NTRK2: variants seen among roughly 807,000 people sequenced by gnomAD.
NTRK2 encodes BDNF/NT-3 growth factors receptor.
NTRK2 carries 13 observed loss-of-function variants against 94.5 expected under a neutral mutation model. That is an observed-to-expected ratio of 0.14 (90% CI 0.09 to 0.22). The LOEUF (loss-of-function observed/expected upper bound fraction) is 0.22, where lower values mean the gene tolerates loss of function less well. Among genes scored for constraint, NTRK2 ranks in the 10% least tolerant of loss-of-function variants. The pLI is 1.00. For synonymous variants in NTRK2, 372 were observed against 407.4 expected (o/e 0.91, Z 1.05); for missense variants, 639 against 1,071.2 (o/e 0.60, Z 5.63).
intron 17 of NTRK2, among the ~76,000 whole-genome samples, chr9:84,960,125 C>T (rs1049082977): frequency 6.6e-6 from 1 of 152,178 alleles, no homozygotes; most frequent in Non-Finnish European, 1.5e-5. Context: ...ATGAATATAA[C>T]TTGGCTGAGC....
intron 12 of NTRK2, among the ~76,000 whole-genome samples, chr9:84,764,787 T>C (rs999915375): frequency 3.3e-5 from 5 of 152,182 alleles, no homozygotes; most frequent in Non-Finnish European, 5.9e-5. Context: ...CTGTTCACAA[T>C]AGCTAAGATT....
intron 12 of NTRK2, among the ~76,000 whole-genome samples, chr9:84,859,548 T>C (rs1378397847): frequency 1.3e-5 from 2 of 152,142 alleles, no homozygotes; most frequent in African/African-American, 4.8e-5. Flanking sequence ...TAGTTAATGA[T>C]CAAAAATAAT....
intron 16 of NTRK2, among the ~76,000 whole-genome samples, chr9:84,950,264 G>T (rs775205360): frequency 6.6e-6 from 1 of 152,226 alleles, no homozygotes; most frequent in Non-Finnish European, 1.5e-5. Flanking sequence ...TTGATAAGAT[G>T]CAGGAAGTTG....
intron 15 of NTRK2, among the ~76,000 whole-genome samples, chr9:84,945,893 A>G (rs146723458): frequency 7.2e-5 from 11 of 152,308 alleles, no homozygotes; most frequent in Non-Finnish European, 1.5e-4. Context: ...TGAAAATAGT[A>G]TTGATCCCGA....
At chr9:84,959,952 C>A (rs539350947) in intron 17 of NTRK2, among the ~76,000 whole-genome samples, 1 of 152,286 alleles carries the variant, frequency 6.6e-6, no homozygotes, top group South Asian at 2.1e-4. Flanking sequence ...GAGTGGAGGG[C>A]CCCAAACATC....
In NTRK2 at chr9:85,023,098, A is replaced by T. The variant is rs1479700736; in HGVS notation, c.*1661A>T. The T allele has an allele frequency of 8.6e-6, 2 of 232,962 alleles. No individual in the cohort carries two copies. The highest frequency in any genetic ancestry group is 4.4e-5 in the African/African-American group (2 of 45,340). 14.4% of individuals were successfully genotyped at this position (232,962 alleles called of 1,614,324 possible). A position where few individuals can be genotyped will look rare whatever the true frequency, so the allele number is the denominator to read the frequency against. On this transcript the variant is annotated 3_prime_UTR_variant, in exon 19 of 19. Coordinates refer to ENST00000277120, the MANE Select transcript of NTRK2 (RefSeq NM_006180.6). ...ACGGGAGGCTGTGCCCAGACCAAGC[A>T]CTGGAAGTGTGCTTCTAGGCATAGT... is the stretch of plus-strand genomic sequence containing the variant.
At chr9:85,018,526 C>T (rs932909656) in intron 17 of NTRK2, among the ~76,000 whole-genome samples, 32 of 152,144 alleles carry the variant, frequency 2.1e-4, no homozygotes, top group Non-Finnish European at 8.8e-5. Context: ...ACCCTCATAC[C>T]GCAAGTCCTC....
intron 12 of NTRK2, among the ~76,000 whole-genome samples, chr9:84,808,463 T>C (rs1327252120): frequency 6.6e-6 from 1 of 152,204 alleles, no homozygotes; most frequent in Non-Finnish European, 1.5e-5. Flanking sequence ...GTTTCTCCTG[T>C]TTTTATTGAC....
At chr9:84,835,743 A>C (rs2073835761) in intron 12 of NTRK2, among the ~76,000 whole-genome samples, 2 of 152,372 alleles carry the variant, frequency 1.3e-5, no homozygotes, top group Non-Finnish European at 2.9e-5. Context: ...ATGGAAAACT[A>C]TTCTGAAATC....
intron 12 of NTRK2, among the ~76,000 whole-genome samples, chr9:84,779,122 G>A (rs368395121): frequency 8.9e-4 from 136 of 152,190 alleles, no homozygotes; most frequent in African/African-American, 3.1e-3. Context: ...ATCTTGCCAA[G>A]GTCTCTGGGC....
chr9:84,927,339 A>G (rs1311665575), intron 14 of NTRK2, among the ~76,000 whole-genome samples: 1 of 152,200 alleles, frequency 6.6e-6, no homozygotes, highest in Non-Finnish European at 1.5e-5. Context: ...TGTCATTTAT[A>G]GTACCTAAAA....
intron 14 of NTRK2, among the ~76,000 whole-genome samples, chr9:84,893,092 T>C (rs2076643732): frequency 6.6e-6 from 1 of 152,144 alleles, no homozygotes; most frequent in Non-Finnish European, 1.5e-5. Context: ...GCTTGGTGAA[T>C]ACATGTTCCT....
intron 2 of NTRK2, among the ~76,000 whole-genome samples, chr9:84,692,467 TC>T (rs143987057): frequency 4.8e-5 from 6 of 125,960 alleles, no homozygotes; most frequent in African/African-American, 6.0e-5. Context: ...TTTCTTTTTT[TC>T]TTTTTTTTTT....
chr9:84,877,023 C>G (rs550296184), intron 14 of NTRK2: 16 of 1,062,622 alleles, frequency 1.5e-5, no homozygotes, highest in Non-Finnish European at 1.8e-5. Context: ...CCATTGATTT[C>G]CATACTCCTG....
intron 17 of NTRK2, among the ~76,000 whole-genome samples, chr9:84,985,833 A>G (rs937535769): frequency 3.3e-5 from 5 of 152,222 alleles, no homozygotes; most frequent in Admixed American, 6.5e-5. Context: ...CAGTTTAATT[A>G]AGAAGTAGGA....
chr9:84,823,267 C>T (rs2072967567), intron 12 of NTRK2, among the ~76,000 whole-genome samples: 3 of 152,132 alleles, frequency 2.0e-5, no homozygotes, highest in South Asian at 4.1e-4. Context: ...ATTTTTATTT[C>T]ATTTCATTTT....
chr9:84,829,464 G>A (rs1262779858), intron 12 of NTRK2, among the ~76,000 whole-genome samples: 4 of 152,152 alleles, frequency 2.6e-5, no homozygotes, highest in African/African-American at 9.7e-5. Flanking sequence ...TTTGGTTTCT[G>A]CCCTAATGAA....
intron 12 of NTRK2, chr9:84,813,536 C>T: frequency 6.6e-6 from 7 of 1,065,308 alleles, no homozygotes; most frequent in Non-Finnish European, 8.0e-6. Context: ...GGCTTTGTTA[C>T]CACAAGCTAA....
chr9:84,914,945 A>G (rs1272336026), intron 14 of NTRK2, among the ~76,000 whole-genome samples: 1 of 151,990 alleles, frequency 6.6e-6, no homozygotes, highest in East Asian at 1.9e-4. Context: ...GTGGAAGACA[A>G]TTTTTCCACA....
Sources: gnomAD v4.1 joint callset for allele counts (sites outside exome capture counted in the v4.1 genomes callset) on GRCh38, gnomAD v4.1.1 for gene constraint, MANE v1.5 for transcripts, NCBI Gene and HGNC (gene_info 2026-07-23, HGNC 2026-07-21) for gene names.